The following GBE1 variants were observed in gnomAD, a reference collection of about 807,000 sequenced individuals.
GBE1 encodes 1,4-alpha-glucan branching enzyme 1.
In GBE1, 70 loss-of-function variants were observed where a neutral mutation model predicts 88.8. The observed-to-expected ratio is 0.79, with a 90% CI of 0.65 to 0.96. GBE1 has a LOEUF of 0.96. GBE1 is among the 40% of genes least tolerant of loss of function. GBE1 has a pLI of 0.00. For synonymous variants in GBE1, 284 were observed against 300.1 expected, an observed-to-expected ratio of 0.95 and a Z score of 0.56; for missense variants, 872 against 871.0, an observed-to-expected ratio of 1.00 and a Z score of -0.01.
At chr3:81,667,842 G>A (rs539411674) in intron 3 of GBE1, among the ~76,000 whole-genome samples, 5 of 152,098 alleles carry the variant, frequency 3.3e-5, no homozygotes, top group Middle Eastern at 3.4e-3. Context: ...TGCTGGATTC[G>A]GTTTGCCCGT....
At chr3:81,492,872 G>T (rs996677066) in intron 15 of GBE1, among the ~76,000 whole-genome samples, 1 of 151,916 alleles carries the variant, frequency 6.6e-6, no homozygotes, top group African/African-American at 2.4e-5. Flanking sequence ...TGAGTAGCTG[G>T]TATTACAGGC....
At chr3:81,670,017 A>C (rs1458959437) in intron 3 of GBE1, among the ~76,000 whole-genome samples, 1 of 152,230 alleles carries the variant, frequency 6.6e-6, no homozygotes, top group Non-Finnish European at 1.5e-5. Flanking sequence ...CATAGGATTT[A>C]TCATGGTAAA....
intron 1 of GBE1, among the ~76,000 whole-genome samples, chr3:81,715,591 T>C (rs1705927975): frequency 6.6e-6 from 1 of 152,214 alleles, no homozygotes; most frequent in South Asian, 2.1e-4. Context: ...TAAGACTAAT[T>C]GGTATATACC....
chr3:81,551,943 T>C (rs1703276766), intron 12 of GBE1, among the ~76,000 whole-genome samples: 1 of 152,188 alleles, frequency 6.6e-6, no homozygotes, highest in African/African-American at 2.4e-5. Flanking sequence ...TGGTGCTGAA[T>C]GTTAGAACTA....
In GBE1 at chr3:81,495,464, A is replaced by AT. The variant is rs200153911; in HGVS notation, c.2052+3645dup. Among the ~76,000 whole-genome samples the AT allele has an allele frequency of 9.2e-5, 14 of 152,298 alleles. No homozygotes were observed. In the East Asian group the frequency reaches 2.7e-3, roughly 29 times the overall value. ...TAGTCTACATAAACACTTTTTTATA[A>AT]TAAAAATCACAGTTTTTTGAAAAAT... On this transcript the variant is annotated intron_variant, in intron 15 of 15. Coordinates refer to ENST00000429644, the MANE Select transcript of GBE1 (RefSeq NM_000158.4).
chr3:81,734,621 C>T (rs1326013003), intron 1 of GBE1, among the ~76,000 whole-genome samples: 2 of 152,156 alleles, frequency 1.3e-5, no homozygotes, highest in Non-Finnish European at 2.9e-5. Context: ...ATGTTTTCTA[C>T]ATATCTAGAT....
chr3:81,691,914 C>G (rs1360968024), intron 2 of GBE1, among the ~76,000 whole-genome samples: 1 of 152,128 alleles, frequency 6.6e-6, no homozygotes, highest in Admixed American at 6.6e-5. Context: ...CTTAGTAACT[C>G]TTAGAGGAAG....
Position 81,491,310 on chromosome 3 carries a change from T to C in GBE1, c.2053-847A>G, listed in dbSNP as rs149510034. On this transcript the variant is annotated intron_variant, in intron 15 of 15. Coordinates refer to ENST00000429644, the MANE Select transcript of GBE1 (RefSeq NM_000158.4). Reference sequence around the variant, plus strand: ...CTGAACACTTAACACAATTTGTGAATGATTTTTCAGGTTTACCATCTGTTT... The same window carrying C: ...CTGAACACTTAACACAATTTGTGAACGATTTTTCAGGTTTACCATCTGTTT... 1.8e-4 allele frequency among the ~76,000 whole-genome samples: 27 copies of C among 152,336 alleles called. No homozygotes were observed. In the East Asian group the frequency reaches 5.0e-3, roughly 28 times the overall value.
intron 1 of GBE1, among the ~76,000 whole-genome samples, chr3:81,744,914 T>A (rs1404423641): frequency 6.6e-6 from 1 of 152,226 alleles, no homozygotes; most frequent in Non-Finnish European, 1.5e-5. Context: ...AGAGAAATAA[T>A]TTTGAGAACT....
chr3:81,649,781 AT>A lies in GBE1; in HGVS notation c.555+14del, dbSNP rs573234623. The stretch of plus-strand genomic sequence containing the variant: ...TATTGGAACAATAATTTATTTAAAG[AT>A]TTGTTGTTCTCACCTCATATGAGTG... On this transcript the variant is annotated intron_variant, in intron 4 of 15. Transcript: ENST00000429644. 7.2e-4 allele frequency: 1,140 copies of A among 1,574,102 alleles called. 13 individuals carry two copies. The African/African-American group carries it at 0.014, about 20-fold the overall frequency.
intron 2 of GBE1, among the ~76,000 whole-genome samples, chr3:81,692,072 G>A (rs569833281): frequency 6.6e-6 from 1 of 152,190 alleles, no homozygotes; most frequent in African/African-American, 2.4e-5. Context: ...CCAGACTTCA[G>A]CATCTTCTTA....
In GBE1 at chr3:81,515,547, C is replaced by A. The variant is rs376585463; in HGVS notation, c.1935-16320G>T. ...ATATAGAATTTAGCCCAATTAATAA[C>A]CCTACAATAGCCTCTAGGAGTTCAA... On this transcript the variant is annotated intron_variant, in intron 14 of 15. Transcript: ENST00000429644. Among the ~76,000 whole-genome samples, 3 of 151,548 alleles carry A rather than the reference C, an allele frequency of 2.0e-5. No homozygotes were observed. The East Asian group carries it at 5.8e-4, about 30-fold the overall frequency.
intron 1 of GBE1, among the ~76,000 whole-genome samples, chr3:81,750,601 GTGTA>G (rs370676959): frequency 0.21 from 7,170 of 34,522 alleles, 878 homozygotes; most frequent in East Asian, 0.28. Context: ...ATATATATAT[GTGTA>G]TATATATATA....
At chr3:81,536,829 G>A in intron 13 of GBE1, 82 bp downstream of exon 13, 1 of 1,052,504 alleles carries the variant, frequency 9.5e-7, no homozygotes, top group Non-Finnish European at 1.4e-6. Context: ...TAAAAGATCT[G>A]CATAGAGATT....
At chr3:81,613,135 A>T in intron 7 of GBE1, 1 of 343,016 alleles carries the variant, frequency 2.9e-6, no homozygotes, top group Non-Finnish European at 5.2e-6. Flanking sequence ...AGTCCTTGGG[A>T]GCAAGCTGCA....
At chr3:81,588,257 T>C (rs1206958801) in intron 9 of GBE1, among the ~76,000 whole-genome samples, 1 of 152,162 alleles carries the variant, frequency 6.6e-6, no homozygotes, top group Non-Finnish European at 1.5e-5. Flanking sequence ...AAAGAAGCCA[T>C]TTCAATCATT....
At chr3:81,743,796 G>T (rs1397162192) in intron 1 of GBE1, among the ~76,000 whole-genome samples, 2 of 152,004 alleles carry the variant, frequency 1.3e-5, no homozygotes, top group African/African-American at 4.8e-5. Flanking sequence ...ATTAAAAAAA[G>T]ACATGAATAA....
intron 2 of GBE1, among the ~76,000 whole-genome samples, chr3:81,699,298 G>A (rs967785039): frequency 6.6e-6 from 1 of 152,118 alleles, no homozygotes; most frequent in African/African-American, 2.4e-5. Context: ...TCAACAATCT[G>A]TCTGGATCAC....
chr3:81,641,373 G>A lies in GBE1; in HGVS notation c.992+1408C>T, dbSNP rs187341298. On this transcript the variant is annotated intron_variant, in intron 7 of 15. Coordinates refer to ENST00000429644, the MANE Select transcript of GBE1 (RefSeq NM_000158.4). ...TGCAGTTTTTTGCCAATAAAAGTAA[G>A]GGCAAAAACCACAATTACTTTTGCA... is the stretch of plus-strand genomic sequence containing the variant. Among the ~76,000 whole-genome samples, 366 of 152,034 alleles carry A rather than the reference G, an allele frequency of 2.4e-3. 1 individual carries two copies. The highest frequency in any genetic ancestry group is 5.4e-3 in the South Asian group (26 of 4,818).
Sources: allele counts gnomAD v4.1 joint callset (sites outside exome capture counted in the v4.1 genomes callset), GRCh38; gene constraint gnomAD v4.1.1; transcripts MANE v1.5; gene names NCBI Gene and HGNC (gene_info 2026-07-23, HGNC 2026-07-21).